The following PCDHGA7 variants were observed in gnomAD, a reference collection of about 807,000 sequenced individuals.
PCDHGA7 encodes the protein protocadherin gamma subfamily A, 7.
PCDHGA7 carries 44 observed loss-of-function variants against 58.3 expected under a neutral mutation model. That is an observed-to-expected ratio of 0.75 (90% confidence interval 0.59 to 0.97). The LOEUF (loss-of-function observed/expected upper bound fraction) is 0.97. Ranked by LOEUF, PCDHGA7 falls within the 50% of genes least tolerant of loss-of-function variation. The pLI is 0.00. For synonymous variants in PCDHGA7, 516 were observed against 504.2 expected, an observed-to-expected ratio of 1.02 and a Z score of -0.31; for missense variants, 1,266 against 1,188.7, an observed-to-expected ratio of 1.06 and a Z score of -0.96.
In PCDHGA7 at chr5:141,393,378, G is replaced by A. The variant is rs1207426335; in HGVS notation, c.2424+8055G>A. On this transcript the variant is annotated intron_variant, in intron 1 of 3. Coordinates refer to ENST00000518325, the MANE Select transcript of PCDHGA7 (RefSeq NM_018920.4). ...GGACGTGCAGACTGGAGACAATGGA[G>A]CCATAAACCCAGAGCTGGTGCTGGA... The A allele has an allele frequency of 1.9e-6, 3 of 1,613,982 alleles. No individual in the cohort carries two copies. The highest frequency in any genetic ancestry group is 2.2e-5 in the East Asian group (1 of 44,866).
chr5:141,511,129 G>A lies in PCDHGA7; in HGVS notation c.2755G>A (p.Gly919Ser). ...GCGGGATGGCAAGGCCCCAGCAGGT[G>A]GCAATGGCAACAAGAAGAAGTCGGG... ...GKRDGKAPAGGNGNKKKSGKK... is the reference protein window; with the variant it reads ...GKRDGKAPAGSNGNKKKSGKK... Residue 919 changes from glycine to serine, a missense_variant, in exon 4 of 4, where the codon GGC becomes AGC. By Grantham distance (56) the Gly-to-Ser change is moderately conservative. Coordinates refer to ENST00000518325, the MANE Select transcript of PCDHGA7 (RefSeq NM_018920.4). 1 of 1,614,204 alleles carries A rather than the reference G, an allele frequency of 6.2e-7. No individual in the cohort carries two copies. Among genetic ancestry groups the A allele is most frequent in the Non-Finnish European group, 8.5e-7 (1 of 1,180,014 alleles).
Position 141,438,239 on chromosome 5 carries a change from A to C in PCDHGA7, c.2424+52916A>C, listed in dbSNP as rs550172792. Among the ~76,000 whole-genome samples, 9 of 152,298 alleles carry C rather than the reference A, an allele frequency of 5.9e-5. No homozygotes were observed. In the East Asian group the frequency reaches 1.7e-3, roughly 29 times the overall value. On this transcript the variant is annotated intron_variant, in intron 1 of 3. Transcript: ENST00000518325. ...GCTCTGGTTCAGGAAAATGTTTTTA[A>C]AAAACTGTCATTGAAGAGACCATAG...
intron 2 of PCDHGA7, among the ~76,000 whole-genome samples, chr5:141,496,392 C>T (rs6879760): frequency 0.064 from 9,762 of 152,240 alleles, 510 homozygotes; most frequent in African/African-American, 0.15. Context: ...CCTTACCCTA[C>T]CTCCTCAATG....
chr5:141,420,744 C>T (rs1202150921), intron 1 of PCDHGA7, among the ~76,000 whole-genome samples: 8 of 152,194 alleles, frequency 5.3e-5, no homozygotes, highest in Admixed American at 5.2e-4. Context: ...TCAATTGGAA[C>T]CAACTACAAC....
chr5:141,486,659 G>A lies in PCDHGA7; in HGVS notation c.2425-8148G>A, dbSNP rs758578821. The stretch of plus-strand genomic sequence containing the variant: ...TGCGCTTATCTCCTACTCACTCCTG[G>A]AGCCCAGGAATCGAGATGTATCAGC... On this transcript the variant is annotated intron_variant, in intron 1 of 3. Transcript: ENST00000518325. This position sits in a 1 kb window ranked among gnomAD's most constrained non-coding sequence, Gnocchi z 5.0. 5.0e-6 allele frequency: 8 copies of A among 1,613,944 alleles called. No homozygotes were observed. Among genetic ancestry groups the A allele is most frequent in the Middle Eastern group, 1.6e-4 (1 of 6,062 alleles).
At chr5:141,438,633 TATACACACAC>T (rs1369232099) in intron 1 of PCDHGA7, among the ~76,000 whole-genome samples, 454 of 33,892 alleles carry the variant, frequency 0.013, 1 homozygote, top group Non-Finnish European at 0.019. Flanking sequence ...TATATATATA[TATACACACAC>T]ACACACACAT....
intron 1 of PCDHGA7, chr5:141,430,824 C>T: frequency 6.5e-7 from 1 of 1,547,704 alleles, no homozygotes; most frequent in Non-Finnish European, 8.7e-7. Flanking sequence ...CTCCTGGGGA[C>T]TCTGTGGGAG....
chr5:141,493,179 T>C lies in PCDHGA7; in HGVS notation c.2425-1628T>C, dbSNP rs1208502829. 6.6e-6 allele frequency among the ~76,000 whole-genome samples: 1 copy of C among 152,230 alleles called. No homozygotes were observed. Among genetic ancestry groups the C allele is most frequent in the Non-Finnish European group, 1.5e-5 (1 of 68,040 alleles). On this transcript the variant is annotated intron_variant, in intron 1 of 3. Coordinates refer to ENST00000518325, the MANE Select transcript of PCDHGA7 (RefSeq NM_018920.4). This position sits in a 1 kb window ranked among gnomAD's most constrained non-coding sequence, Gnocchi z 4.3. ...TGATAGCTGATTGAGAGAAACTTAC[T>C]ATATAACTCCTTTGAGAACCTCATC...
chr5:141,386,797 T>C (rs771279831), intron 1 of PCDHGA7, among the ~76,000 whole-genome samples: 1 of 152,124 alleles, frequency 6.6e-6, no homozygotes, highest in Non-Finnish European at 1.5e-5. Context: ...TGACCAAAAT[T>C]TATTAGATGC....
chr5:141,433,192 A>G (rs756991371), intron 1 of PCDHGA7: 1 of 1,585,516 alleles, frequency 6.3e-7, no homozygotes, highest in Non-Finnish European at 8.6e-7. Flanking sequence ...AGGTGAGTTT[A>G]TATCAAATCT....
Position 141,491,742 on chromosome 5 carries a change from C to CA in PCDHGA7, c.2425-3064dup. The CA allele has an allele frequency of 3.1e-6, 5 of 1,596,114 alleles. No individual in the cohort carries two copies. Among genetic ancestry groups the CA allele is most frequent in the Non-Finnish European group, 4.3e-6 (5 of 1,172,424 alleles). ...CGCCCCGGGCGACCCCTGGGGGCGG[C>CA]ACTGGAGAAGCCGCCCGTCCTCATA... On this transcript the variant is annotated intron_variant, in intron 1 of 3. Coordinates refer to ENST00000518325, the MANE Select transcript of PCDHGA7 (RefSeq NM_018920.4). This position sits in a 1 kb window ranked among gnomAD's most constrained non-coding sequence, Gnocchi z 6.9.
In PCDHGA7 at chr5:141,430,746, G is replaced by A. The variant is rs369205374; in HGVS notation, c.2424+45423G>A. ...TAAGGGCAGAATTGAAAATAATTCTGGAGGAAGATAAGAATGATTCCTGCG... is the reference window on the plus strand; with the variant it reads ...TAAGGGCAGAATTGAAAATAATTCTAGAGGAAGATAAGAATGATTCCTGCG... On this transcript the variant is annotated intron_variant, in intron 1 of 3. Coordinates refer to ENST00000518325, the MANE Select transcript of PCDHGA7 (RefSeq NM_018920.4). 3.3e-5 allele frequency: 49 copies of A among 1,500,684 alleles called. No homozygotes were observed. The African/African-American group carries it at 6.3e-4, about 19-fold the overall frequency. The allele number at this position is 1,500,684 out of a possible 1,614,324, so 93.0% of individuals were successfully genotyped here.
chr5:141,405,103 G>A (rs368202826), intron 1 of PCDHGA7: 2 of 1,613,922 alleles, frequency 1.2e-6, no homozygotes, highest in Non-Finnish European at 1.7e-6. Flanking sequence ...TCAGGCTGAG[G>A]CACTGGCACT....
intron 1 of PCDHGA7, among the ~76,000 whole-genome samples, chr5:141,455,860 A>T (rs1032468147): frequency 1.4e-5 from 2 of 139,848 alleles, no homozygotes; most frequent in South Asian, 2.3e-4. Context: ...AATTTCTTTT[A>T]TTATTTATTT....
At chr5:141,423,790 T>C (rs1561813105) in intron 1 of PCDHGA7, 2 of 1,261,874 alleles carry the variant, frequency 1.6e-6, no homozygotes, top group Non-Finnish European at 1.0e-6. Context: ...TTCATATATA[T>C]TTAGAGCAAT....
chr5:141,441,800 G>T, intron 1 of PCDHGA7: 1 of 382,594 alleles, frequency 2.6e-6, no homozygotes, highest in Non-Finnish European at 5.2e-6. Flanking sequence ...ACGCACCGCG[G>T]GTGCTGTACC....
At chr5:141,444,873 C>T (rs1298516499) in intron 1 of PCDHGA7, among the ~76,000 whole-genome samples, 1 of 152,080 alleles carries the variant, frequency 6.6e-6, no homozygotes, top group African/African-American at 2.4e-5. Flanking sequence ...CAGGACAAAG[C>T]TTGTAGGATT....
At chr5:141,492,952 C>T (rs1428667098) in intron 1 of PCDHGA7, among the ~76,000 whole-genome samples, 1 of 152,242 alleles carries the variant, frequency 6.6e-6, no homozygotes, top group Non-Finnish European at 1.5e-5. Context: ...GGTGACCAAA[C>T]TATCTGACAC....
At chr5:141,436,074 G>A (rs1048063491) in intron 1 of PCDHGA7, among the ~76,000 whole-genome samples, 3 of 152,058 alleles carry the variant, frequency 2.0e-5, no homozygotes, top group Non-Finnish European at 4.4e-5. Context: ...TAAGTACAGT[G>A]TTCTATAGGT....
Sources: gnomAD v4.1 joint callset for allele counts (sites outside exome capture counted in the v4.1 genomes callset) on GRCh38, gnomAD v4.1.1 for gene constraint, Gnocchi (gnomAD v3.1) non-coding constraint, MANE v1.5 for transcripts, NCBI Gene and HGNC (gene_info 2026-07-23, HGNC 2026-07-21) for gene names.